The following EIF4G1 variants were observed in gnomAD, a reference collection of about 807,000 sequenced individuals.
The protein encoded by EIF4G1 is EIF4-gamma.
Under a neutral mutation model 187.8 loss-of-function variants are expected in EIF4G1, and 4 were observed. The ratio of observed to expected loss-of-function variants is 0.02; its 90% CI spans 0.01 to 0.05. EIF4G1 has a LOEUF of 0.05. Among genes scored for constraint, EIF4G1 ranks in the 10% least tolerant of loss-of-function variants. The probability of loss-of-function intolerance (pLI) is 1.00; values close to 1 mark genes in which losing one functional copy is unlikely to be tolerated. For synonymous variants in EIF4G1, 844 were observed against 781.4 expected (o/e 1.08, Z -1.34); for missense variants, 1,647 against 2,081.1 (o/e 0.79, Z 4.06).
intron 5 of EIF4G1, 89 bp downstream of exon 5, chr3:184,317,586 A>G: frequency 6.4e-7 from 1 of 1,571,250 alleles, no homozygotes; most frequent in Non-Finnish European, 8.7e-7. Context: ...TTGCTTTTCC[A>G]GAGGTGGGAC....
chr3:184,321,573 C>T lies in EIF4G1; in HGVS notation c.989C>T (p.Thr330Ile). Residue 330 changes from threonine to isoleucine, a missense_variant, in exon 10 of 33, where the codon ACA (threonine) becomes ATA (isoleucine). By Grantham distance (89) the Thr-to-Ile change is moderately conservative (BLOSUM62 -1). Around this residue, in one of 11 missense-constraint regions of EIF4G1, gnomAD observed 522 missense variants for 485.2 expected, o/e 1.08. Transcript: ENST00000346169. ...GAACCCATACTGGAAGTAGAAGTGA[C>T]ACTTAGCAAACCGGTTCCAGAATCT... Reference protein sequence around the residue: ...LAEPILEVEVTLSKPVPESEF... With the variant: ...LAEPILEVEVILSKPVPESEF... 1 of 1,614,210 alleles carries T rather than the reference C, an allele frequency of 6.2e-7. No individual in the cohort carries two copies. Among genetic ancestry groups the T allele is most frequent in the Non-Finnish European group, 8.5e-7 (1 of 1,180,026 alleles).
Position 184,335,213 on chromosome 3 carries a change from T to G in EIF4G1, c.*305T>G. The G allele has an allele frequency of 2.7e-6, 1 of 367,616 alleles. No individual in the cohort carries two copies. Among genetic ancestry groups the G allele is most frequent in the Non-Finnish European group, 5.1e-6 (1 of 197,342 alleles). The allele number at this position is 367,616 out of a possible 1,614,324, so 22.8% of individuals were successfully genotyped here. On this transcript the variant is annotated 3_prime_UTR_variant, in exon 33 of 33. Transcript: ENST00000346169. ...CGCCTGCCCCTGGGGTCCTTTTTTTTATTTTCTGAAAATCACTCTCGGGAC... is the reference window on the plus strand; with the variant it reads ...CGCCTGCCCCTGGGGTCCTTTTTTTGATTTTCTGAAAATCACTCTCGGGAC...
chr3:184,322,346 A>C lies in EIF4G1; in HGVS notation c.1520-16A>C. On this transcript the variant is annotated splice_polypyrimidine_tract_variant and intron_variant, in intron 10 of 32. Transcript: ENST00000346169. ...TTGGCAAAGATCCATGCTTTTATTT[A>C]TTTATTTTTAATTAGTGGCAGTATC... 1 of 1,609,442 alleles carries C rather than the reference A, an allele frequency of 6.2e-7. No homozygotes were observed. Among genetic ancestry groups the C allele is most frequent in the Non-Finnish European group, 8.5e-7 (1 of 1,176,828 alleles).
intron 28 of EIF4G1, 181 bp downstream of exon 28, chr3:184,329,171 G>A (rs1027007455): frequency 1.4e-6 from 1 of 700,294 alleles, no homozygotes; most frequent in African/African-American, 1.8e-5. Context: ...CCTATCATGA[G>A]TTCTGGCCAA....
chr3:184,332,146 G>A (rs768315105), intron 32 of EIF4G1, 60 bp downstream of exon 32: 42 of 1,612,010 alleles, frequency 2.6e-5, no homozygotes, highest in Non-Finnish European at 3.6e-5. Flanking sequence ...AGCAGGGCAT[G>A]AGACCCTTCA....
intron 6 of EIF4G1, chr3:184,319,307 G>A (rs1228277590): frequency 3.5e-6 from 1 of 284,846 alleles, no homozygotes; most frequent in African/African-American, 2.2e-5. Context: ...TTCAGAGTAT[G>A]TGTGTACATG....
chr3:184,324,098 G>C lies in EIF4G1; in HGVS notation c.2473-103G>C, dbSNP rs531167211. The C allele has an allele frequency of 5.6e-5, 90 of 1,604,710 alleles. No individual in the cohort carries two copies. The South Asian group carries it at 9.6e-4, about 17-fold the overall frequency. Reference sequence around the variant, plus strand: ...TGCCTCTTCCAGCTGGAAGGAGGCAGAGCTGGGGCCAGAGATCTTCCTGGG... The same window carrying C: ...TGCCTCTTCCAGCTGGAAGGAGGCACAGCTGGGGCCAGAGATCTTCCTGGG... On this transcript the variant is annotated intron_variant, in intron 16 of 32. Coordinates refer to ENST00000346169, the MANE Select transcript of EIF4G1 (RefSeq NM_198241.3).
Position 184,316,200 on chromosome 3 carries a change from G to T in EIF4G1, c.129G>T (p.Thr43=). 1 of 1,614,080 alleles carries T rather than the reference G, an allele frequency of 6.2e-7. No homozygotes were observed. Among genetic ancestry groups the T allele is most frequent in the Non-Finnish European group, 8.5e-7 (1 of 1,180,010 alleles). The change falls in exon 4 of 33, where the codon ACG becomes ACT. Residue 43 remains threonine, a synonymous_variant. Coordinates refer to ENST00000346169, the MANE Select transcript of EIF4G1 (RefSeq NM_198241.3). ...CGCCACAAGCGACACAAATGAACAC[G>T]CCTTCTCAGCCCCGCCAGGTGAGGG... ...FSTPQATQMN[T]PSQPRQHFYP...
Position 184,334,909 on chromosome 3 carries a change from G to C in EIF4G1, c.*1G>C, listed in dbSNP as rs776025641. On this transcript the variant is annotated 3_prime_UTR_variant, in exon 33 of 33. Coordinates refer to ENST00000346169, the MANE Select transcript of EIF4G1 (RefSeq NM_198241.3). This position sits in a 1 kb window ranked among gnomAD's most constrained non-coding sequence, Gnocchi z 5.8. ...AGAGGAGGAGTCTGACCACAACTGA[G>C]GGCTGGTGGGGCCGGGGACCTGGAG... is the stretch of plus-strand genomic sequence containing the variant. 6.2e-7 allele frequency: 1 copy of C among 1,613,986 alleles called. No homozygotes were observed. Among genetic ancestry groups the C allele is most frequent in the Non-Finnish European group, 8.5e-7 (1 of 1,179,992 alleles).
chr3:184,316,799 G>T (rs899302796), intron 4 of EIF4G1: 24 of 1,524,594 alleles, frequency 1.6e-5, no homozygotes, highest in Non-Finnish European at 1.9e-5. Context: ...CCTAGTCAGG[G>T]GCTAGACACA....
chr3:184,321,322 G>C lies in EIF4G1; in HGVS notation c.738G>C (p.Gly246=). ...GAGCAATCATTGCTGACCGGCCAGG[G>C]CTGCCTGGCCCAGAGCATAGCCCTT... ...SQGAIIADRP[G]LPGPEHSPSE... The change falls in exon 10 of 33, where the codon GGG becomes GGC. Residue 246 remains glycine (G), a synonymous_variant. Transcript: ENST00000346169. 1.9e-6 allele frequency: 3 copies of C among 1,614,126 alleles called. No homozygotes were observed. Among genetic ancestry groups the C allele is most frequent in the Non-Finnish European group, 2.5e-6 (3 of 1,180,018 alleles).
In EIF4G1 at chr3:184,331,328, T is replaced by C. The variant is rs1323485075; in HGVS notation, c.4224T>C (p.Pro1408=). The change falls in exon 29 of 33, where the codon CCT becomes CCC. Residue 1408 remains proline, a synonymous_variant. Coordinates refer to ENST00000346169, the MANE Select transcript of EIF4G1 (RefSeq NM_198241.3). ...EAGLSWKEFL[P]EGQDIGAFVA... is the part of the protein sequence containing the mutation. ...GGCTTAGCTGGAAGGAATTTCTACC[T>C]GAAGGCCAGGACATTGGTGCATTCG... is the stretch of plus-strand genomic sequence containing the variant. 9.3e-6 allele frequency: 15 copies of C among 1,614,098 alleles called. No individual in the cohort carries two copies. Among genetic ancestry groups the C allele is most frequent in the Non-Finnish European group, 1.2e-5 (14 of 1,180,046 alleles).
intron 4 of EIF4G1, 117 bp from the exon 5 acceptor site, chr3:184,317,204 C>T (rs1014269127): frequency 2.5e-5 from 30 of 1,222,894 alleles, no homozygotes; most frequent in Non-Finnish European, 3.0e-5. Context: ...AAGGATTGGT[C>T]GCCATGTTCT....
intron 28 of EIF4G1, among the ~76,000 whole-genome samples, chr3:184,330,115 C>T (rs1300743199): frequency 7.2e-5 from 11 of 152,058 alleles, no homozygotes; most frequent in African/African-American, 1.7e-4. Context: ...CTGGGCCGGG[C>T]GTGGTAATCC....
At position 184,334,575 on chromosome 3, in the gene EIF4G1, C is replaced by A. The variant is rs1220948588; in HGVS notation, c.4619-152C>A. 9 of 849,884 alleles carry A rather than the reference C, an allele frequency of 1.1e-5. No individual in the cohort carries two copies. In the East Asian group the frequency reaches 2.4e-4, roughly 23 times the overall value. The allele number at this position is 849,884 out of a possible 1,614,324, so 52.6% of individuals were successfully genotyped here. On this transcript the variant is annotated intron_variant, in intron 32 of 32. Coordinates refer to ENST00000346169, the MANE Select transcript of EIF4G1 (RefSeq NM_198241.3). The surrounding 1 kb of genome is among the most constrained non-coding windows in gnomAD (Gnocchi z 5.8). ...CAGTCTCAGATCATGAGATTAGCAT[C>A]CTGTCAGAGGCCTAGTCACTCTGGA...
At position 184,331,992 on chromosome 3, in the gene EIF4G1, G is replaced by A. The variant is rs112264710; in HGVS notation, c.4524G>A (p.Ala1508=). The A allele has an allele frequency of 7.2e-5, 116 of 1,614,210 alleles. No homozygotes were observed. The African/African-American group carries it at 1.1e-3, about 15-fold the overall frequency. ...ACGTTGCAGTGCTGAAAGCGCGAGCGAAGCTGCTGCAGAAATACCTGTGTG... is the reference window on the plus strand; with the variant it reads ...ACGTTGCAGTGCTGAAAGCGCGAGCAAAGCTGCTGCAGAAATACCTGTGTG... ...RVDVAVLKAR[A]KLLQKYLCDE... The change falls in exon 32 of 33, where the codon GCG becomes GCA. Residue 1508 remains alanine (A), a synonymous_variant. Transcript: ENST00000346169.
Position 184,321,932 on chromosome 3 carries a change from T to C in EIF4G1, c.1348T>C (p.Ser450Pro), listed in dbSNP as rs1470520501. 1 of 1,613,792 alleles carries C rather than the reference T, an allele frequency of 6.2e-7. No individual in the cohort carries two copies. Among genetic ancestry groups the C allele is most frequent in the Non-Finnish European group, 8.5e-7 (1 of 1,179,996 alleles). Reference protein sequence around the residue: ...ATPATAPSATSPAQEEEMEEE... With the variant: ...ATPATAPSATPPAQEEEMEEE... ...TCCAGCTACGGCTCCTTCAGCTACT[T>C]CCCCAGCTCAGGAGGAGGAAATGGA... is the stretch of plus-strand genomic sequence containing the variant. The change falls in exon 10 of 33, where the codon TCC (serine) becomes CCC (proline). Residue 450 changes from serine (S) to proline (P), a missense_variant. Coordinates refer to ENST00000346169, the MANE Select transcript of EIF4G1 (RefSeq NM_198241.3).
intron 9 of EIF4G1, 122 bp downstream of exon 9, chr3:184,321,115 G>A: frequency 6.7e-7 from 1 of 1,494,128 alleles, no homozygotes; most frequent in Non-Finnish European, 9.1e-7. Context: ...CAGGTTGTGG[G>A]ATTTTGAGGG....
chr3:184,320,099 G>A (rs970690824), intron 7 of EIF4G1, among the ~76,000 whole-genome samples: 13 of 152,060 alleles, frequency 8.5e-5, no homozygotes, highest in Non-Finnish European at 1.9e-4. Flanking sequence ...GAAATGGTTT[G>A]TTTTCTGTGG....
Sources: gnomAD v4.1 joint callset for allele counts (sites outside exome capture counted in the v4.1 genomes callset) on GRCh38, gnomAD v4.1.1 for gene constraint, gnomAD v4.1.1 regional missense constraint, Gnocchi (gnomAD v3.1) non-coding constraint, MANE v1.5 for transcripts, NCBI Gene and HGNC (gene_info 2026-07-23, HGNC 2026-07-21) for gene names.